Variants in HLCS observed in about 807,000 individuals in gnomAD.
HLCS encodes the protein biotin--protein ligase.
In HLCS, 53 loss-of-function variants were observed where a neutral mutation model predicts 75.0. The ratio of observed to expected loss-of-function variants is 0.71; its 90% confidence interval spans 0.57 to 0.89. The LOEUF (loss-of-function observed/expected upper bound fraction) is 0.89. Among genes scored for constraint, HLCS ranks in the 40% least tolerant of loss-of-function variants. The pLI is 0.00. For synonymous variants in HLCS, 431 were observed against 428.6 expected, an observed-to-expected ratio of 1.01 and a Z score of -0.07; for missense variants, 966 against 1,074.0, an observed-to-expected ratio of 0.90 and a Z score of 1.41.
At chr21:36,794,284 G>A (rs558084926) in intron 6 of HLCS, among the ~76,000 whole-genome samples, 1 of 152,372 alleles carries the variant, frequency 6.6e-6, no homozygotes, top group African/African-American at 2.4e-5. Context: ...TGCATAATGT[G>A]TCAATGCAGT....
intron 6 of HLCS, among the ~76,000 whole-genome samples, chr21:36,858,918 A>G (rs1054361892): frequency 2.6e-5 from 4 of 152,168 alleles, no homozygotes; most frequent in Non-Finnish European, 5.9e-5. Context: ...GACATCTACA[A>G]CAGGCTGGGA....
chr21:36,989,014 A>AATTTT (rs919524992), intron 1 of HLCS, among the ~76,000 whole-genome samples: 2 of 148,680 alleles, frequency 1.3e-5, no homozygotes, highest in Admixed American at 6.7e-5. Context: ...TTTTCCTTTT[A>AATTTT]ATTTTATTTT....
intron 6 of HLCS, among the ~76,000 whole-genome samples, chr21:36,813,191 T>C (rs2061561565): frequency 6.6e-6 from 1 of 152,240 alleles, no homozygotes; most frequent in South Asian, 2.1e-4. Flanking sequence ...TTTACCAGAC[T>C]ACAACTTTAA....
At chr21:36,898,446 C>CAAAAA (rs58625493) in intron 5 of HLCS, among the ~76,000 whole-genome samples, 7,334 of 49,108 alleles carry the variant, frequency 0.15, 601 homozygotes, top group Non-Finnish European at 0.2. Flanking sequence ...AACTCCATCT[C>CAAAAA]AAAAAAAAAA....
chr21:36,795,348 G>A (rs1021154745), intron 6 of HLCS, among the ~76,000 whole-genome samples: 15 of 152,172 alleles, frequency 9.9e-5, no homozygotes, highest in African/African-American at 3.4e-4. Context: ...GGAGGGATCC[G>A]GAAACACTGA....
At chr21:36,880,217 C>T (rs2064151161) in intron 6 of HLCS, among the ~76,000 whole-genome samples, 1 of 152,160 alleles carries the variant, frequency 6.6e-6, no homozygotes. Context: ...TACAACGGTG[C>T]TCTATCTCCA....
rs1294871033 is a variant in HLCS at position 36,962,048 on chromosome 21, G to A, written c.318C>T (p.Ser106=). ...WVQSENLQRS[S]SSETIVKWSD... ...ACATGGTACTCACTGTTTCTGAAGA[G>A]GATGATCTCTGTAAATTCTCACTTT... Residue 106 remains serine (S), a synonymous_variant, in exon 2 of 11, where the codon TCC becomes TCT. Coordinates refer to ENST00000674895, the MANE Select transcript of HLCS (RefSeq NM_001352514.2). 7.8e-7 allele frequency: 1 copy of A among 1,289,282 alleles called. No homozygotes were observed. The highest frequency in any genetic ancestry group is 5.6e-5 in the East Asian group (1 of 18,018). The allele number at this position is 1,289,282 out of a possible 1,614,324, so 79.9% of individuals were successfully genotyped here.
At chr21:36,906,922 T>A (rs1206337443) in intron 5 of HLCS, among the ~76,000 whole-genome samples, 1 of 152,156 alleles carries the variant, frequency 6.6e-6, no homozygotes, top group African/African-American at 2.4e-5. Context: ...TTTTTTTAAT[T>A]TTTTTGAGAC....
chr21:36,757,237 C>T (rs1384729392), intron 9 of HLCS, among the ~76,000 whole-genome samples: 1 of 152,190 alleles, frequency 6.6e-6, no homozygotes, highest in African/African-American at 2.4e-5. Flanking sequence ...GATTTCAAAC[C>T]TTGGTCATGG....
At chr21:36,766,978 A>T (rs1053874425) in intron 7 of HLCS, among the ~76,000 whole-genome samples, 3 of 152,186 alleles carry the variant, frequency 2.0e-5, no homozygotes, top group African/African-American at 7.2e-5. Flanking sequence ...CATCACAGGC[A>T]AATGTCCAGT....
Position 36,938,905 on chromosome 21 carries a change from G to A in HLCS, c.420C>T (p.Phe140=), listed in dbSNP as rs2067016754. ...RLIAEASVDN[F]SKLGVAFMED... ...CCATGAACGCCACCCCCAGCTTGCT[G>A]AAGTTGTCCACACTTGCTTCAGCAA... Residue 140 remains phenylalanine (F), a synonymous_variant, in exon 3 of 11, where the codon TTC becomes TTT. Transcript: ENST00000674895. The A allele has an allele frequency of 1.9e-6, 3 of 1,614,070 alleles. No homozygotes were observed. In the African/African-American group the frequency reaches 4.0e-5, roughly 22 times the overall value.
At chr21:36,942,311 T>C (rs1374433929) in intron 2 of HLCS, among the ~76,000 whole-genome samples, 2 of 148,538 alleles carry the variant, frequency 1.3e-5, no homozygotes, top group Non-Finnish European at 3.0e-5. Flanking sequence ...GGCTCACGCC[T>C]GCAATCCCAC....
intron 5 of HLCS, among the ~76,000 whole-genome samples, chr21:36,920,557 A>C (rs921305878): frequency 4.6e-5 from 7 of 152,338 alleles, no homozygotes; most frequent in African/African-American, 1.4e-4. Context: ...ATGCTTGAGA[A>C]GATAGGTACC....
intron 6 of HLCS, among the ~76,000 whole-genome samples, chr21:36,883,955 GA>G (rs1387305400): frequency 6.6e-6 from 1 of 152,158 alleles, no homozygotes; most frequent in Non-Finnish European, 1.5e-5. Context: ...CCACAGCCCC[GA>G]AAAGCCGGCA....
Position 36,809,779 on chromosome 21 carries a change from C to T in HLCS, c.1893-42494G>A, listed in dbSNP as rs1383352297. Among the ~76,000 whole-genome samples the T allele has an allele frequency of 3.3e-5, 5 of 152,304 alleles. No homozygotes were observed. The East Asian group carries it at 9.7e-4, about 29-fold the overall frequency. On this transcript the variant is annotated intron_variant, in intron 6 of 10. Transcript: ENST00000674895. ...TTTGAGACAAGGTCTTACTCTGTCA[C>T]CCAGGCTGGAGTGCAGTGGTGTGAT...
intron 5 of HLCS, among the ~76,000 whole-genome samples, chr21:36,927,025 C>T (rs532747401): frequency 1.3e-5 from 2 of 152,342 alleles, no homozygotes; most frequent in East Asian, 3.9e-4. Context: ...GGATTACAGG[C>T]TTGAGCCACT....
intron 5 of HLCS, among the ~76,000 whole-genome samples, chr21:36,906,358 T>C (rs1247394934): frequency 6.6e-6 from 1 of 151,862 alleles, no homozygotes; most frequent in East Asian, 1.9e-4. Flanking sequence ...AAAGACCTCA[T>C]GTCTAAAAAA....
Position 36,753,876 on chromosome 21 carries a change from G to GT in HLCS, c.*369dup. ...TGGGCGCAAGAGCATATTTTGGTTTGTTTTTTCATAGACTAGGGGTAAAGG... is the reference window on the plus strand; with the variant it reads ...TGGGCGCAAGAGCATATTTTGGTTTGTTTTTTTCATAGACTAGGGGTAAAGG... On this transcript the variant is annotated 3_prime_UTR_variant, in exon 11 of 11. Coordinates refer to ENST00000674895, the MANE Select transcript of HLCS (RefSeq NM_001352514.2). This position sits in a 1 kb window ranked among gnomAD's most constrained non-coding sequence, Gnocchi z 4.3. 2.9e-6 allele frequency: 1 copy of GT among 343,102 alleles called. No homozygotes were observed. The highest frequency in any genetic ancestry group is 5.5e-6 in the Non-Finnish European group (1 of 180,426). 21.3% of individuals were successfully genotyped at this position (343,102 alleles called of 1,614,324 possible).
At chr21:36,875,547 CAT>C (rs2063936552) in intron 6 of HLCS, among the ~76,000 whole-genome samples, 1 of 152,176 alleles carries the variant, frequency 6.6e-6, no homozygotes, top group Non-Finnish European at 1.5e-5. Context: ...GTTGGGATAA[CAT>C]GTCTGCGGAA....
Sources: allele counts gnomAD v4.1 joint callset (sites outside exome capture counted in the v4.1 genomes callset), GRCh38; gene constraint gnomAD v4.1.1; non-coding constraint Gnocchi (gnomAD v3.1); transcripts MANE v1.5; gene names NCBI Gene and HGNC (gene_info 2026-07-23, HGNC 2026-07-21).